Variants in FNDC1 observed in about 807,000 individuals in gnomAD.
The protein encoded by FNDC1 is fibronectin type III domain-containing protein 1.
In FNDC1, 96 loss-of-function variants were observed where a neutral mutation model predicts 168.0. That is an observed-to-expected ratio of 0.57 (90% CI 0.48 to 0.68). The LOEUF (loss-of-function observed/expected upper bound fraction) is 0.68, where lower values mean the gene tolerates loss of function less well. Among genes scored for constraint, FNDC1 ranks in the 30% least tolerant of loss-of-function variants. The pLI, the probability that FNDC1 is intolerant of heterozygous loss-of-function variation, is 0.00. For missense variants in FNDC1, 2,587 were observed against 2,482.1 expected (o/e 1.04, Z -0.90); for synonymous variants, 1,099 against 1,025.9 (o/e 1.07, Z -1.36).
chr6:159,254,202 C>T (rs1777327750), intron 17 of FNDC1, among the ~76,000 whole-genome samples: 1 of 152,186 alleles, frequency 6.6e-6, no homozygotes, highest in African/African-American at 2.4e-5. Context: ...TTCTTCTTAA[C>T]TTGTGTGATC....
intron 6 of FNDC1, 91 bp downstream of exon 6, chr6:159,221,787 T>G (rs1027815828): frequency 2.7e-5 from 27 of 1,012,924 alleles, no homozygotes; most frequent in Admixed American, 7.7e-5. Context: ...ATGAATTACA[T>G]GAATTTTATT....
intron 12 of FNDC1, among the ~76,000 whole-genome samples, chr6:159,238,287 C>T (rs1219889474): frequency 2.0e-5 from 3 of 151,770 alleles, no homozygotes; most frequent in Middle Eastern, 6.8e-3. Context: ...TTAGTAGAGA[C>T]GGGGTTTCAC....
chr6:159,233,933 C>T lies in FNDC1; in HGVS notation c.3421C>T (p.Pro1141Ser), dbSNP rs1252127984. The T allele has an allele frequency of 4.5e-6, 7 of 1,555,612 alleles. No homozygotes were observed. Among genetic ancestry groups the T allele is most frequent in the Non-Finnish European group, 6.1e-6 (7 of 1,149,724 alleles). ...HAASPARPSR[P>S]GGPQSRARVP... ...GGCCTCCCCCGCCAGGCCCAGCCGA[C>T]CCGGCGGCCCCCAGTCCCGCGCCCG... is the stretch of plus-strand genomic sequence containing the variant. Residue 1141 changes from proline to serine, a missense_variant, in exon 11 of 23, where the codon CCC becomes TCC. By Grantham distance (74) the Pro-to-Ser change is moderately conservative (BLOSUM62 -1). Coordinates refer to ENST00000297267, the MANE Select transcript of FNDC1 (RefSeq NM_032532.3). The surrounding 1 kb of genome is among the most constrained non-coding windows in gnomAD (Gnocchi z 4.6).
intron 14 of FNDC1, among the ~76,000 whole-genome samples, chr6:159,242,458 T>G (rs1010635202): frequency 4.1e-4 from 63 of 152,148 alleles, no homozygotes; most frequent in African/African-American, 1.4e-3. Flanking sequence ...GTAACAAACC[T>G]GCACATCCTG....
chr6:159,197,319 C>A, intron 1 of FNDC1, 112 bp from the exon 2 acceptor site: 1 of 1,026,030 alleles, frequency 9.7e-7, no homozygotes, highest in Non-Finnish European at 1.4e-6. Flanking sequence ...TCTTTCGGAT[C>A]ATACTGATTA....
chr6:159,234,521 T>C (rs188203825), intron 11 of FNDC1, 42 bp downstream of exon 11: 2 of 1,591,208 alleles, frequency 1.3e-6, no homozygotes, highest in African/African-American at 1.3e-5. Flanking sequence ...AGGTGTTCAG[T>C]GGTGTTCATG....
intron 5 of FNDC1, among the ~76,000 whole-genome samples, chr6:159,217,510 G>A (rs929853459): frequency 1.3e-5 from 2 of 151,960 alleles, no homozygotes. Context: ...GATTTGATCT[G>A]GTGGAGACAT....
At position 159,233,676 on chromosome 6, in the gene FNDC1, C is replaced by G. The variant is rs1352263392; in HGVS notation, c.3164C>G (p.Pro1055Arg). 2 of 1,549,854 alleles carry G rather than the reference C, an allele frequency of 1.3e-6. No homozygotes were observed. The highest frequency in any genetic ancestry group is 2.7e-5 in the African/African-American group (2 of 73,070). ...SQGRSHSSSDPYTASSRGMLP... is the reference protein window; with the variant it reads ...SQGRSHSSSDRYTASSRGMLP... ...GGCCGCTCCCACTCCTCCTCGGACC[C>G]TTACACGGCGAGCTCCAGAGGGATG... Residue 1055 changes from proline to arginine, a missense_variant, in exon 11 of 23, where the codon CCT (proline) becomes CGT (arginine). Transcript: ENST00000297267. This position sits in a 1 kb window ranked among gnomAD's most constrained non-coding sequence, Gnocchi z 4.6.
At chr6:159,257,651 G>A (rs1392276679) in intron 18 of FNDC1, among the ~76,000 whole-genome samples, 1 of 152,138 alleles carries the variant, frequency 6.6e-6, no homozygotes, top group Non-Finnish European at 1.5e-5. Flanking sequence ...GACACTAGCT[G>A]TGGGCACCGA....
At chr6:159,217,201 A>G in intron 5 of FNDC1, among the ~76,000 whole-genome samples, 1 of 152,190 alleles carries the variant, frequency 6.6e-6, no homozygotes, top group Non-Finnish European at 1.5e-5. Context: ...GTAAAGGAGG[A>G]GAGGGGAGAG....
At chr6:159,237,362 G>T (rs1257864431) in intron 12 of FNDC1, among the ~76,000 whole-genome samples, 1 of 152,146 alleles carries the variant, frequency 6.6e-6, no homozygotes, top group Non-Finnish European at 1.5e-5. Flanking sequence ...ACAAGTCTCG[G>T]GTAGGGCTGG....
intron 9 of FNDC1, among the ~76,000 whole-genome samples, chr6:159,227,983 T>C (rs1782989016): frequency 6.6e-6 from 1 of 152,242 alleles, no homozygotes; most frequent in Admixed American, 6.5e-5. Context: ...TAACTCCCTC[T>C]GTATTAAGTA....
At chr6:159,263,679 G>A (rs965110754) in intron 19 of FNDC1, among the ~76,000 whole-genome samples, 36 of 152,276 alleles carry the variant, frequency 2.4e-4, no homozygotes, top group South Asian at 1.7e-3. Flanking sequence ...GGAGAATGGC[G>A]TGAAGCTGGG....
intron 1 of FNDC1, among the ~76,000 whole-genome samples, chr6:159,189,727 A>C (rs951316498): frequency 1.8e-4 from 27 of 152,200 alleles, no homozygotes; most frequent in Non-Finnish European, 3.5e-4. Context: ...TTTGGACTTT[A>C]ATTTCTTTCG....
In FNDC1 at chr6:159,226,457, C is replaced by T; in HGVS notation, c.1073-16C>T. Reference sequence around the variant, plus strand: ...GTAAGGCATTTAAAAATGTTTCTTTCCTTGTCATTTTGTAGCCCCTACCAC... The same window carrying T: ...GTAAGGCATTTAAAAATGTTTCTTTTCTTGTCATTTTGTAGCCCCTACCAC... On this transcript the variant is annotated splice_polypyrimidine_tract_variant and intron_variant, in intron 8 of 22. Transcript: ENST00000297267. 6.3e-7 allele frequency: 1 copy of T among 1,597,494 alleles called. No individual in the cohort carries two copies. Among genetic ancestry groups the T allele is most frequent in the Non-Finnish European group, 8.6e-7 (1 of 1,169,330 alleles).
chr6:159,239,451 G>A (rs996179158), intron 13 of FNDC1, 66 bp from the exon 14 acceptor site: 3 of 1,380,866 alleles, frequency 2.2e-6, no homozygotes, highest in Non-Finnish European at 2.9e-6. Context: ...GACACTTATT[G>A]CTTGCTTTTT....
intron 1 of FNDC1, among the ~76,000 whole-genome samples, chr6:159,170,833 C>T (rs923762634): frequency 2.0e-5 from 3 of 152,092 alleles, no homozygotes; most frequent in Non-Finnish European, 4.4e-5. Context: ...CTTTTTCTTC[C>T]CATTAGTGAA....
intron 10 of FNDC1, among the ~76,000 whole-genome samples, chr6:159,231,171 C>T (rs1783075040): frequency 1.2e-5 from 1 of 82,950 alleles, no homozygotes; most frequent in African/African-American, 2.9e-5. Context: ...GTCAGGAGAT[C>T]GAGACCATCC....
chr6:159,220,041 ATCT>A (rs1016352932), intron 5 of FNDC1, among the ~76,000 whole-genome samples: 12 of 152,184 alleles, frequency 7.9e-5, no homozygotes, highest in African/African-American at 2.7e-4. Flanking sequence ...ACATTTTAAA[ATCT>A]TCTGGTAGAA....
Sources: gnomAD v4.1 joint callset for allele counts (sites outside exome capture counted in the v4.1 genomes callset) on GRCh38, gnomAD v4.1.1 for gene constraint, Gnocchi (gnomAD v3.1) non-coding constraint, MANE v1.5 for transcripts, NCBI Gene and HGNC (gene_info 2026-07-23, HGNC 2026-07-21) for gene names.